ANKFN1: variants seen among roughly 807,000 people sequenced by gnomAD.
ANKFN1 encodes the protein ankyrin repeat and fibronectin type-III domain-containing protein 1.
ANKFN1 carries 74 observed loss-of-function variants against 108.7 expected under a neutral mutation model. That is an observed-to-expected ratio of 0.68 (90% CI 0.56 to 0.83). The LOEUF (loss-of-function observed/expected upper bound fraction) is 0.83, where lower values mean the gene tolerates loss of function less well. Ranked by LOEUF, ANKFN1 falls within the 40% of genes least tolerant of loss-of-function variation. The pLI is 0.00. For synonymous variants in ANKFN1, 547 were observed against 516.2 expected (o/e 1.06, Z -0.81); for missense variants, 1,505 against 1,382.3 (o/e 1.09, Z -1.41).
chr17:56,309,702 T>C (rs1176821120), intron 3 of ANKFN1, among the ~76,000 whole-genome samples: 1 of 152,190 alleles, frequency 6.6e-6, no homozygotes, highest in African/African-American at 2.4e-5. Flanking sequence ...ATACACTATG[T>C]TTTTCTTATA....
chr17:56,364,369 G>T (rs1352757477), intron 6 of ANKFN1, among the ~76,000 whole-genome samples: 1 of 152,066 alleles, frequency 6.6e-6, no homozygotes, highest in African/African-American at 2.4e-5. Flanking sequence ...TGATGAAATG[G>T]TAGCATTTTG....
intron 4 of ANKFN1, among the ~76,000 whole-genome samples, chr17:56,080,775 G>A (rs1323522284): frequency 6.6e-6 from 1 of 152,180 alleles, no homozygotes; most frequent in East Asian, 1.9e-4. Flanking sequence ...CACGTTTTAT[G>A]TTTTCATAGA....
intron 4 of ANKFN1, among the ~76,000 whole-genome samples, chr17:56,337,163 T>A (rs1352683104): frequency 6.6e-6 from 1 of 152,164 alleles, no homozygotes; most frequent in Non-Finnish European, 1.5e-5. Context: ...TTGGAATAAG[T>A]GCGATGTGGT....
chr17:56,482,635 G>A, intron 18 of ANKFN1, 111 bp downstream of exon 18: 1 of 1,335,342 alleles, frequency 7.5e-7, no homozygotes, highest in Non-Finnish European at 1.0e-6. Context: ...ATCACATGAT[G>A]GCTTTGGCAA....
At chr17:56,201,951 GGTGGGA>G (rs1379380265) in intron 1 of ANKFN1, among the ~76,000 whole-genome samples, 2 of 152,192 alleles carry the variant, frequency 1.3e-5, no homozygotes, top group African/African-American at 4.8e-5. Flanking sequence ...CTGAGACCAT[GGTGGGA>G]GGATATGTCC....
intron 3 of ANKFN1, among the ~76,000 whole-genome samples, chr17:56,256,041 G>C (rs2144089338): frequency 6.6e-6 from 1 of 152,048 alleles, no homozygotes; most frequent in East Asian, 1.9e-4. Context: ...AAAATATAGA[G>C]ATAGTAATTT....
chr17:56,326,204 T>C lies in ANKFN1; in HGVS notation c.54-17T>C. ...CTTGCCTGTAGTGATCCTGTTCGCA[T>C]TTTATTCTTTACACAGAATAGGAAG... On this transcript the variant is annotated splice_polypyrimidine_tract_variant and intron_variant, in intron 3 of 20. Coordinates refer to ENST00000682825, the MANE Select transcript of ANKFN1 (RefSeq NM_001370326.1). The C allele has an allele frequency of 6.2e-7, 1 of 1,604,302 alleles. No individual in the cohort carries two copies. Among genetic ancestry groups the C allele is most frequent in the Non-Finnish European group, 8.5e-7 (1 of 1,176,354 alleles).
At chr17:56,283,259 G>A (rs942723556) in intron 3 of ANKFN1, among the ~76,000 whole-genome samples, 3 of 151,992 alleles carry the variant, frequency 2.0e-5, no homozygotes, top group African/African-American at 7.3e-5. Context: ...GCTCCATCAT[G>A]TTGCTGCAAA....
chr17:56,361,833 A>C (rs909959974), intron 6 of ANKFN1, among the ~76,000 whole-genome samples: 1 of 152,294 alleles, frequency 6.6e-6, no homozygotes, highest in South Asian at 2.1e-4. Flanking sequence ...GGGTCTCTCC[A>C]TATGGCTACT....
At chr17:56,395,214 G>A (rs2047545857) in intron 8 of ANKFN1, among the ~76,000 whole-genome samples, 1 of 152,154 alleles carries the variant, frequency 6.6e-6, no homozygotes, top group East Asian at 1.9e-4. Context: ...AGGTGACGAG[G>A]GTTCATGAAA....
At chr17:56,089,261 T>C (rs1272765901) in intron 4 of ANKFN1, among the ~76,000 whole-genome samples, 1 of 151,458 alleles carries the variant, frequency 6.6e-6, no homozygotes, top group African/African-American at 2.4e-5. Flanking sequence ...AATGTCTGCA[T>C]AATACTCCAT....
At chr17:56,368,660 A>G (rs1405969697) in intron 6 of ANKFN1, among the ~76,000 whole-genome samples, 1 of 151,874 alleles carries the variant, frequency 6.6e-6, no homozygotes, top group Non-Finnish European at 1.5e-5. Flanking sequence ...TTTCCTGACC[A>G]ATCTTGTTTT....
At chr17:56,385,943 C>T (rs1385602432) in intron 8 of ANKFN1, among the ~76,000 whole-genome samples, 1 of 152,124 alleles carries the variant, frequency 6.6e-6, no homozygotes, top group African/African-American at 2.4e-5. Flanking sequence ...ACTAGAAATG[C>T]CATTTGACCC....
In ANKFN1 at chr17:56,513,431, C is replaced by A. The variant is rs1292253170; in HGVS notation, c.*2162C>A. ...TAGTTAATAACAAGAATGGCAGAGT[C>A]ATTTGCACTCAGTTTCTACTTATTT... is the stretch of plus-strand genomic sequence containing the variant. On this transcript the variant is annotated 3_prime_UTR_variant, in exon 21 of 21. Transcript: ENST00000682825. 6.6e-6 allele frequency among the ~76,000 whole-genome samples: 1 copy of A among 152,210 alleles called. No homozygotes were observed. The highest frequency in any genetic ancestry group is 1.5e-5 in the Non-Finnish European group (1 of 68,038).
chr17:56,163,057 A>G (rs977448317), intron 1 of ANKFN1, among the ~76,000 whole-genome samples: 2 of 144,098 alleles, frequency 1.4e-5, no homozygotes, highest in African/African-American at 5.8e-5. Context: ...GAAAAAAAGA[A>G]AAAAAAAAGA....
chr17:56,244,310 A>G (rs1335157835), intron 3 of ANKFN1, among the ~76,000 whole-genome samples: 1 of 152,126 alleles, frequency 6.6e-6, no homozygotes, highest in African/African-American at 2.4e-5. Context: ...GAAAAGGTAA[A>G]GTGAAGATAG....
intron 1 of ANKFN1, among the ~76,000 whole-genome samples, chr17:56,208,566 A>G (rs1914718754): frequency 6.6e-6 from 1 of 152,128 alleles, no homozygotes; most frequent in African/African-American, 2.4e-5. Flanking sequence ...CTTCCATTAG[A>G]AGATTACCTG....
At chr17:56,383,051 T>C (rs2047153371) in intron 8 of ANKFN1, among the ~76,000 whole-genome samples, 1 of 152,150 alleles carries the variant, frequency 6.6e-6, no homozygotes, top group Admixed American at 6.6e-5. Flanking sequence ...ACACCACACC[T>C]ATTCCAAAAT....
intron 9 of ANKFN1, 71 bp from the exon 10 acceptor site, chr17:56,442,772 T>A: frequency 1.4e-6 from 2 of 1,380,780 alleles, no homozygotes; most frequent in Non-Finnish European, 2.0e-6. Flanking sequence ...GTTATTAAAT[T>A]CTATACCCAT....
Sources: allele counts gnomAD v4.1 joint callset (sites outside exome capture counted in the v4.1 genomes callset), GRCh38; gene constraint gnomAD v4.1.1; transcripts MANE v1.5; gene names NCBI Gene and HGNC (gene_info 2026-07-23, HGNC 2026-07-21).